The following NTM variants were observed in gnomAD, a reference collection of about 807,000 sequenced individuals.
NTM encodes the protein neurotrimin, also known as IgLON family member 2.
A neutral mutation model predicts 42.1 loss-of-function variants in NTM; 13 were observed. The observed-to-expected ratio is 0.31, with a 90% confidence interval of 0.20 to 0.49. The LOEUF (loss-of-function observed/expected upper bound fraction) is 0.49. Ranked by LOEUF, NTM falls within the 20% of genes least tolerant of loss-of-function variation. The pLI is 0.99. For missense variants in NTM, 373 were observed against 452.8 expected, an observed-to-expected ratio of 0.82 and a Z score of 1.60; for synonymous variants, 187 against 179.2, an observed-to-expected ratio of 1.04 and a Z score of -0.35.
chr11:132,286,567 A>G (rs1022039810), intron 4 of NTM, among the ~76,000 whole-genome samples: 10 of 151,598 alleles, frequency 6.6e-5, no homozygotes, highest in Non-Finnish European at 1.0e-4. Flanking sequence ...TGGCCCACTT[A>G]TTTTTGCCTC....
At chr11:131,566,529 G>T (rs1172659362) in intron 1 of NTM, among the ~76,000 whole-genome samples, 1 of 152,020 alleles carries the variant, frequency 6.6e-6, no homozygotes, top group Non-Finnish European at 1.5e-5. Flanking sequence ...CATCATCCAC[G>T]CAGTGTGAGT....
intron 4 of NTM, among the ~76,000 whole-genome samples, chr11:132,241,137 A>T (rs1457910095): frequency 1.3e-5 from 2 of 152,206 alleles, no homozygotes; most frequent in East Asian, 3.8e-4. Context: ...ATATCCCATT[A>T]TGTATACACA....
intron 7 of NTM, among the ~76,000 whole-genome samples, chr11:132,329,765 GC>G (rs1565496988): frequency 6.6e-6 from 1 of 152,248 alleles, no homozygotes; most frequent in African/African-American, 2.4e-5. Context: ...TTAGAGGATA[GC>G]CTGATGACCA....
chr11:132,193,267 C>T (rs1176054132), intron 3 of NTM, among the ~76,000 whole-genome samples: 1 of 151,960 alleles, frequency 6.6e-6, no homozygotes, highest in Non-Finnish European at 1.5e-5. Context: ...TAAAGCAAGT[C>T]GCAATAAATT....
intron 1 of NTM, among the ~76,000 whole-genome samples, chr11:131,835,408 AT>A (rs1479147197): frequency 6.6e-6 from 1 of 152,196 alleles, no homozygotes; most frequent in African/African-American, 2.4e-5. Flanking sequence ...CAAATAAAAA[AT>A]ATAAAGACAG....
intron 1 of NTM, among the ~76,000 whole-genome samples, chr11:131,690,313 A>AG (rs1303034058): frequency 6.6e-6 from 1 of 152,228 alleles, no homozygotes; most frequent in South Asian, 2.1e-4. Context: ...GCATTCTCCC[A>AG]GGGGGATGCA....
intron 1 of NTM, among the ~76,000 whole-genome samples, chr11:131,494,305 G>T (rs1380709157): frequency 6.6e-6 from 1 of 152,142 alleles, no homozygotes; most frequent in Non-Finnish European, 1.5e-5. Context: ...CTATGATCAG[G>T]TTGTGGGAGG....
At chr11:132,056,035 G>T (rs1232675408) in intron 2 of NTM, among the ~76,000 whole-genome samples, 1 of 152,216 alleles carries the variant, frequency 6.6e-6, no homozygotes, top group East Asian at 1.9e-4. Context: ...AGGTAGAAAA[G>T]TATGAGGTGT....
chr11:132,286,140 A>G (rs1489077107), intron 4 of NTM, among the ~76,000 whole-genome samples: 2 of 152,188 alleles, frequency 1.3e-5, no homozygotes, highest in Non-Finnish European at 2.9e-5. Flanking sequence ...GTGGAGTACA[A>G]TTTACAGAAT....
chr11:131,989,157 C>T (rs1480514563), intron 2 of NTM, among the ~76,000 whole-genome samples: 1 of 152,116 alleles, frequency 6.6e-6, no homozygotes, highest in East Asian at 1.9e-4. Flanking sequence ...GACTGAAAGT[C>T]CTTTGAGGAT....
intron 1 of NTM, among the ~76,000 whole-genome samples, chr11:131,397,729 C>T (rs943289789): frequency 4.6e-5 from 7 of 152,130 alleles, no homozygotes; most frequent in African/African-American, 1.7e-4. Flanking sequence ...AATGGGCTTC[C>T]TGGGGGTTTT....
intron 1 of NTM, among the ~76,000 whole-genome samples, chr11:131,838,480 C>T (rs1280304409): frequency 6.6e-6 from 1 of 152,170 alleles, no homozygotes; most frequent in East Asian, 1.9e-4. Flanking sequence ...ATTGCTAAAT[C>T]CCACTGAGCT....
chr11:131,847,625 A>G (rs2045068832), intron 1 of NTM, among the ~76,000 whole-genome samples: 1 of 152,288 alleles, frequency 6.6e-6, no homozygotes, highest in East Asian at 1.9e-4. Flanking sequence ...TGGAATTACA[A>G]TCAGGTAAAA....
chr11:131,405,495 G>A (rs1244015523), intron 1 of NTM, among the ~76,000 whole-genome samples: 1 of 151,968 alleles, frequency 6.6e-6, no homozygotes, highest in Admixed American at 6.6e-5. Flanking sequence ...AAATCCATTA[G>A]CATTTCTTGT....
intron 1 of NTM, among the ~76,000 whole-genome samples, chr11:131,624,945 C>A (rs2062955406): frequency 6.6e-6 from 1 of 152,074 alleles, no homozygotes; most frequent in Non-Finnish European, 1.5e-5. Context: ...AGCATTTTTG[C>A]TCCCTCAAAA....
chr11:131,927,507 G>T (rs77928422), intron 2 of NTM, among the ~76,000 whole-genome samples: 11,914 of 152,236 alleles, frequency 0.078, 543 homozygotes, highest in South Asian at 0.22. Context: ...CACAGTAAAT[G>T]GATGCAGCTT....
chr11:131,739,350 G>A (rs1028835981), intron 1 of NTM, among the ~76,000 whole-genome samples: 1 of 152,118 alleles, frequency 6.6e-6, no homozygotes, highest in African/African-American at 2.4e-5. Flanking sequence ...TTATAAGTCA[G>A]TTACTCACAC....
chr11:131,492,848 A>G (rs747119698), intron 1 of NTM, among the ~76,000 whole-genome samples: 3 of 152,140 alleles, frequency 2.0e-5, no homozygotes, highest in African/African-American at 4.8e-5. Context: ...TGAATACATA[A>G]AAGTGTAGTC....
At chr11:131,954,838 C>G (rs1179428131) in intron 2 of NTM, among the ~76,000 whole-genome samples, 2 of 151,894 alleles carry the variant, frequency 1.3e-5, no homozygotes, top group Admixed American at 1.3e-4. Context: ...CTTTTGTTAC[C>G]TACTCATATA....
Sources: allele counts gnomAD v4.1 joint callset (sites outside exome capture counted in the v4.1 genomes callset), GRCh38; gene constraint gnomAD v4.1.1; transcripts MANE v1.5; gene names NCBI Gene and HGNC (gene_info 2026-07-23, HGNC 2026-07-21).